Variants in LMTK3 observed in about 807,000 individuals in gnomAD.
The protein encoded by LMTK3 is serine/threonine-protein kinase LMTK3.
In LMTK3, 27 loss-of-function variants were observed where a neutral mutation model predicts 116.7. The observed-to-expected ratio is 0.23, with a 90% confidence interval of 0.17 to 0.32. The LOEUF (loss-of-function observed/expected upper bound fraction) is 0.32, where lower values mean the gene tolerates loss of function less well. LMTK3 is among the 10% of genes least tolerant of loss of function. The pLI is 1.00. For missense variants in LMTK3, 1,764 were observed against 2,068.5 expected (o/e 0.85, Z 2.86); for synonymous variants, 965 against 971.0 (o/e 0.99, Z 0.11).
intron 14 of LMTK3, among the ~76,000 whole-genome samples, chr19:48,490,524 C>CA (rs397860073): frequency 0.18 from 8,403 of 46,918 alleles, 944 homozygotes; most frequent in East Asian, 0.23. Flanking sequence ...GACTCCGTCT[C>CA]AAAAAAAAAA....
chr19:48,512,923 C>T (rs1051707195), upstream of LMTK3, among the ~76,000 whole-genome samples: 1 of 152,180 alleles, frequency 6.6e-6, no homozygotes, highest in African/African-American at 2.4e-5. Context: ...AATACACAGA[C>T]ACACAGAGTT....
chr19:48,493,230 C>A (rs1972256411), intron 12 of LMTK3, among the ~76,000 whole-genome samples: 1 of 151,860 alleles, frequency 6.6e-6, no homozygotes, highest in Non-Finnish European at 1.5e-5. Flanking sequence ...TCAAACCCTG[C>A]TGTAGACCCC....
At position 48,510,652 on chromosome 19, in the gene LMTK3, C is replaced by T. The variant is rs1569108233; in HGVS notation, c.77-60G>A. 8 of 1,475,372 alleles carry T rather than the reference C, an allele frequency of 5.4e-6. No individual in the cohort carries two copies. In the East Asian group the frequency reaches 1.0e-4, roughly 19 times the overall value. The allele number at this position is 1,475,372 out of a possible 1,614,324, so 91.4% of individuals were successfully genotyped here. On this transcript the variant is annotated intron_variant, in intron 1 of 14. Coordinates refer to ENST00000600059, the MANE Select transcript of LMTK3 (RefSeq NM_001388485.1). ...CAAGTCCCTGGATACCGGAATCATG[C>T]CCCCTCCCGTCCCGGCACGTCTTGG...
chr19:48,510,036 C>T lies in LMTK3; in HGVS notation c.348G>A (p.Gln116=). 1 of 1,613,940 alleles carries T rather than the reference C, an allele frequency of 6.2e-7. No individual in the cohort carries two copies. The highest frequency in any genetic ancestry group is 8.5e-7 in the Non-Finnish European group (1 of 1,179,856). The change falls in exon 3 of 15, where the codon CAG becomes CAA. Residue 116 remains glutamine (Q), a synonymous_variant. Coordinates refer to ENST00000600059, the MANE Select transcript of LMTK3 (RefSeq NM_001388485.1). ...AEVSLPMPAP[Q]PSHSDMTTPL... is the part of the protein sequence containing the mutation. The stretch of plus-strand genomic sequence containing the variant: ...GTGGGGCAGTACCTGAGTGTGAAGG[C>T]TGCGGGGCAGGCATTGGCAGGGAGA...
intron 12 of LMTK3, 35 bp downstream of exon 12, chr19:48,493,659 G>A (rs760350255): frequency 3.9e-6 from 6 of 1,528,578 alleles, no homozygotes; most frequent in Non-Finnish European, 4.4e-6. Context: ...CCTCCAGGCC[G>A]CGACCCCGAA....
In LMTK3 at chr19:48,508,948, A is replaced by G. The variant is rs1972612942; in HGVS notation, c.460T>C (p.Ser154Pro). 7 of 1,610,390 alleles carry G rather than the reference A, an allele frequency of 4.3e-6. No homozygotes were observed. Among genetic ancestry groups the G allele is most frequent in the Non-Finnish European group, 5.1e-6 (6 of 1,178,118 alleles). Residue 154 changes from serine to proline, a missense_variant, in exon 5 of 15, where the codon TCC becomes CCC. Ser to Pro is a moderately conservative substitution (Grantham distance 74, BLOSUM62 -1). Around this residue, in one of 7 missense-constraint regions of LMTK3, gnomAD observed 271 missense variants for 478.2 expected, o/e 0.57. Transcript: ENST00000600059. ...ACCACCTGGGCGGGGGTGTAGTCGG[A>G]GAAAATCTCTCCCAGGATCACCTGG... ...FGKVILGEIF[S>P]DYTPAQVVVK...
chr19:48,507,598 G>A (rs773644236), intron 5 of LMTK3, among the ~76,000 whole-genome samples: 3 of 152,080 alleles, frequency 2.0e-5, no homozygotes, highest in Non-Finnish European at 2.9e-5. Flanking sequence ...ATTTTAATTA[G>A]CTTACATTTT....
intron 3 of LMTK3, 81 bp from the exon 4 acceptor site, chr19:48,509,594 T>A (rs935720071): frequency 3.4e-6 from 4 of 1,176,022 alleles, no homozygotes; most frequent in Non-Finnish European, 4.8e-6. Flanking sequence ...CAGTGGGGAC[T>A]GAGACAGAGC....
At chr19:48,499,945 G>A (rs1316555195) in intron 10 of LMTK3, 28 bp from the exon 11 acceptor site, 1 of 1,552,992 alleles carries the variant, frequency 6.4e-7, no homozygotes. Flanking sequence ...AGAGTGAGCA[G>A]GGCAGAGACC....
In LMTK3 at chr19:48,501,165, G is replaced by A; in HGVS notation, c.1002-20C>T. 1 of 1,609,702 alleles carries A rather than the reference G, an allele frequency of 6.2e-7. No homozygotes were observed. Among genetic ancestry groups the A allele is most frequent in the Non-Finnish European group, 8.5e-7 (1 of 1,178,066 alleles). On this transcript the variant is annotated intron_variant, in intron 9 of 14. Coordinates refer to ENST00000600059, the MANE Select transcript of LMTK3 (RefSeq NM_001388485.1). ...AGGGACCTGCAGAGAGCAGAGAGAG[G>A]TCAGAGCCCAGCCCTGACCCACCCG... is the stretch of plus-strand genomic sequence containing the variant.
At chr19:48,512,594 G>T (rs1038917629), upstream of LMTK3, among the ~76,000 whole-genome samples, 3 of 151,478 alleles carry the variant, frequency 2.0e-5, no homozygotes, top group African/African-American at 7.3e-5. Flanking sequence ...CACATCACAT[G>T]AACTAACATA....
Position 48,498,546 on chromosome 19 carries a change from C to A in LMTK3, c.2523G>T (p.Pro841=), listed in dbSNP as rs1398888673. ...TCTCCCGGGGCCCCGGGAGTGGGAG[C>A]GGACCCGGGTCTGGAGGTGGCCGGG... ...GAPRPPPDPG[P]LPLPGPREKP... is the part of the protein sequence containing the mutation. The change falls in exon 11 of 15, where the codon CCG becomes CCT. Residue 841 remains proline (P), a synonymous_variant. Transcript: ENST00000600059. The A allele has an allele frequency of 6.4e-7, 1 of 1,564,116 alleles. No homozygotes were observed.
chr19:48,506,382 T>A (rs2147557594), intron 5 of LMTK3, among the ~76,000 whole-genome samples: 1 of 152,268 alleles, frequency 6.6e-6, no homozygotes, highest in African/African-American at 2.4e-5. Flanking sequence ...TAGTAGTAGA[T>A]GCTCAATAAA....
rs1257957780 is a variant in LMTK3 at position 48,498,897 on chromosome 19, G to T, written c.2172C>A (p.Pro724=). The part of the protein sequence containing the change: ...RGSLADLPMA[P]PASAPPEFLD... ...GAAACTCGGGGGGGGCCGAGGCGGGGGGGGCCATGGGCAAGTCGGCCAGGG... is the reference window on the plus strand; with the variant it reads ...GAAACTCGGGGGGGGCCGAGGCGGGTGGGGCCATGGGCAAGTCGGCCAGGG... The change falls in exon 11 of 15, where the codon CCC becomes CCA. Residue 724 remains proline, a synonymous_variant. Transcript: ENST00000600059. The T allele has an allele frequency of 2.5e-6, 3 of 1,218,888 alleles. No individual in the cohort carries two copies. Among genetic ancestry groups the T allele is most frequent in the East Asian group, 3.2e-5 (1 of 31,426 alleles). The allele number at this position is 1,218,888 out of a possible 1,614,324, so 75.5% of individuals were successfully genotyped here. A position where few individuals can be genotyped will look rare whatever the true frequency, so the allele number is the denominator to read the frequency against.
In LMTK3 at chr19:48,494,630, G is replaced by C. The variant is rs1184119072; in HGVS notation, c.3677-521C>G. On this transcript the variant is annotated intron_variant, in intron 11 of 14. Transcript: ENST00000600059. The surrounding 1 kb of genome is among the most constrained non-coding windows in gnomAD (Gnocchi z 4.0). ...AGGCATGAGCCACCACACCCGGCCA[G>C]ATCCACCTCTCTGAGCCTCTGTTTC... 1.3e-5 allele frequency among the ~76,000 whole-genome samples: 2 copies of C among 152,126 alleles called. No homozygotes were observed. The highest frequency in any genetic ancestry group is 2.9e-5 in the Non-Finnish European group (2 of 68,018).
Position 48,499,747 on chromosome 19 carries a change from G to A in LMTK3, c.1322C>T (p.Ala441Val), listed in dbSNP as rs1347272471. 6.5e-7 allele frequency: 1 copy of A among 1,528,034 alleles called. No individual in the cohort carries two copies. Among genetic ancestry groups the A allele is most frequent in the Non-Finnish European group, 8.8e-7 (1 of 1,136,152 alleles). 94.7% of individuals were successfully genotyped at this position (1,528,034 alleles called of 1,614,324 possible). A position where few individuals can be genotyped will look rare whatever the true frequency, so the allele number is the denominator to read the frequency against. Residue 441 changes from alanine (A) to valine (V), a missense_variant, in exon 11 of 15, where the codon GCG becomes GTG. Physicochemically the swap from Ala to Val is moderately conservative, Grantham distance 64. Around this residue, in one of 7 missense-constraint regions of LMTK3, gnomAD observed 63 missense variants for 65.0 expected, o/e 0.97. Coordinates refer to ENST00000600059, the MANE Select transcript of LMTK3 (RefSeq NM_001388485.1). ...FPWPWPPAHSAPRPGTLSSPF... is the reference protein window; with the variant it reads ...FPWPWPPAHSVPRPGTLSSPF... ...TGAGGAGAGGGTCCCCGGGCGGGGC[G>A]CACTGTGTGCAGGGGGCCAGGGCCA...
rs1364490152 is a variant in LMTK3, at chr19:48,494,136, CCT to C, written c.3677-29_3677-28del. On this transcript the variant is annotated intron_variant, in intron 11 of 14. Coordinates refer to ENST00000600059, the MANE Select transcript of LMTK3 (RefSeq NM_001388485.1). This position sits in a 1 kb window ranked among gnomAD's most constrained non-coding sequence, Gnocchi z 4.0. ...TGCGAGGGGAGAGACCTGGTGAGCC[CCT>C]GTCCCGGTGAAACTGAGGCAGGCCC... 1 of 1,173,532 alleles carries C rather than the reference CCT, an allele frequency of 8.5e-7. No homozygotes were observed. Among genetic ancestry groups the C allele is most frequent in the Non-Finnish European group, 1.1e-6 (1 of 947,806 alleles). 72.7% of individuals were successfully genotyped at this position (1,173,532 alleles called of 1,614,324 possible).
At position 48,491,483 on chromosome 19, in the gene LMTK3, C is replaced by A. The variant is rs368871822; in HGVS notation, c.4149G>T (p.Pro1383=). ...GTGTCGGGGGCGCTGGAGGCGTTGACGGGTCCGTGTCCCCCTCGGGGGGGG... is the reference window on the plus strand; with the variant it reads ...GTGTCGGGGGCGCTGGAGGCGTTGAAGGGTCCGTGTCCCCCTCGGGGGGGG... The part of the protein sequence containing the change: ...VQAPPEGDTD[P]STPPAPPTPP... The change falls in exon 13 of 15, where the codon CCG becomes CCT. Residue 1383 remains proline (P), a synonymous_variant. Transcript: ENST00000600059. This position sits in a 1 kb window ranked among gnomAD's most constrained non-coding sequence, Gnocchi z 5.1. 108 of 1,416,988 alleles carry A rather than the reference C, an allele frequency of 7.6e-5. 1 individual carries two copies. In the African/African-American group the frequency reaches 1.5e-3, roughly 19 times the overall value. The allele number at this position is 1,416,988 out of a possible 1,614,324, so 87.8% of individuals were successfully genotyped here.
At chr19:48,507,493 C>T (rs1030701332) in intron 5 of LMTK3, among the ~76,000 whole-genome samples, 1 of 152,228 alleles carries the variant, frequency 6.6e-6, no homozygotes, top group Non-Finnish European at 1.5e-5. Context: ...TCTGGACCAG[C>T]CCTGCCTACC....
Sources: gnomAD v4.1 joint callset for allele counts (sites outside exome capture counted in the v4.1 genomes callset) on GRCh38, gnomAD v4.1.1 for gene constraint, gnomAD v4.1.1 regional missense constraint, Gnocchi (gnomAD v3.1) non-coding constraint, MANE v1.5 for transcripts, NCBI Gene and HGNC (gene_info 2026-07-23, HGNC 2026-07-21) for gene names.